PAK1: variants seen among roughly 807,000 people sequenced by gnomAD.
PAK1 encodes the protein p21 (RAC1) activated kinase 1.
A neutral mutation model predicts 67.4 loss-of-function variants in PAK1; 29 were observed. The ratio of observed to expected loss-of-function variants is 0.43; its 90% CI spans 0.32 to 0.59. The LOEUF is 0.59. PAK1 is among the 20% of genes least tolerant of loss of function. The pLI is 0.07. For synonymous variants in PAK1, 223 were observed against 237.4 expected (o/e 0.94, Z 0.56); for missense variants, 337 against 670.7 (o/e 0.50, Z 5.50).
intron 1 of PAK1, among the ~76,000 whole-genome samples, chr11:77,426,174 T>C (rs990183291): frequency 5.9e-5 from 9 of 151,822 alleles, no homozygotes; most frequent in African/African-American, 2.2e-4. Flanking sequence ...AGGTCTCTGT[T>C]TTCAGACAAG....
intron 7 of PAK1, among the ~76,000 whole-genome samples, chr11:77,355,279 C>T (rs568243318): frequency 6.6e-6 from 1 of 152,148 alleles, no homozygotes; most frequent in Non-Finnish European, 1.5e-5. Context: ...ATGGCAGATG[C>T]GTCTTCTCCT....
At chr11:77,465,965 A>G (rs1001137385) in intron 1 of PAK1, among the ~76,000 whole-genome samples, 1 of 152,156 alleles carries the variant, frequency 6.6e-6, no homozygotes, top group Non-Finnish European at 1.5e-5. Context: ...ATAAATAAAT[A>G]AAATATTAAT....
At chr11:77,490,870 AG>A in the PAK1 span, among the ~76,000 whole-genome samples, 1 of 152,206 alleles carries the variant, frequency 6.6e-6, no homozygotes. Context: ...GTGTCCACTC[AG>A]GGTTAAATGG....
chr11:77,507,785 C>T, the PAK1 span, among the ~76,000 whole-genome samples: 1 of 152,300 alleles, frequency 6.6e-6, no homozygotes, highest in South Asian at 2.1e-4. Flanking sequence ...CTTGGCCTCC[C>T]AAAGCACTGG....
the PAK1 span, among the ~76,000 whole-genome samples, chr11:77,512,929 A>G: frequency 6.6e-6 from 1 of 152,016 alleles, no homozygotes; most frequent in Non-Finnish European, 1.5e-5. Context: ...CCCTGTCTCT[A>G]CAGAAAATAC....
Position 77,412,326 on chromosome 11 carries a change from C to G in PAK1, c.-21-19785G>C, listed in dbSNP as rs1056793025. The stretch of plus-strand genomic sequence containing the variant: ...CTCAGAGAAAGAGATACACCTCCCC[C>G]CTCCCCAAACGTGCCAGGTTCTAAT... On this transcript the variant is annotated intron_variant, in intron 1 of 14. Coordinates refer to ENST00000356341, the MANE Select transcript of PAK1 (RefSeq NM_002576.5). 5.9e-5 allele frequency among the ~76,000 whole-genome samples: 9 copies of G among 152,268 alleles called. No homozygotes were observed. The East Asian group carries it at 7.7e-4, about 13-fold the overall frequency.
At chr11:77,509,093 C>T in the PAK1 span, among the ~76,000 whole-genome samples, 1 of 151,176 alleles carries the variant, frequency 6.6e-6, no homozygotes, top group Non-Finnish European at 1.5e-5. Flanking sequence ...CCCGTCTCTA[C>T]TAAAAATACA....
chr11:77,349,140 AAC>A, intron 9 of PAK1, 97 bp downstream of exon 9: 1 of 853,888 alleles, frequency 1.2e-6, no homozygotes, highest in South Asian at 1.6e-5. Context: ...AAAAAAAAAA[AAC>A]CTAGAACTGT....
chr11:77,461,515 T>C (rs1366051045), intron 1 of PAK1, among the ~76,000 whole-genome samples: 1 of 152,216 alleles, frequency 6.6e-6, no homozygotes, highest in Non-Finnish European at 1.5e-5. Context: ...ACTGACACAA[T>C]AGTTTCGGGT....
rs748826678 is a variant in PAK1 at position 77,323,292 on chromosome 11, T to C, written c.1620A>G (p.Ala540=). ...LTPLIAAAKE[A]TKNNH The stretch of plus-strand genomic sequence containing the variant: ...TGTGGTTTTAGTGATTGTTCTTTGT[T>C]GCCTCCTTAGCTGCAGCAATCAGTG... The change falls in exon 15 of 15, where the codon GCA becomes GCG. Residue 540 remains alanine (A), a synonymous_variant. Transcript: ENST00000356341. 2 of 1,614,018 alleles carry C rather than the reference T, an allele frequency of 1.2e-6. No individual in the cohort carries two copies. Among genetic ancestry groups the C allele is most frequent in the Non-Finnish European group, 1.7e-6 (2 of 1,179,912 alleles).
At chr11:77,457,683 T>C (rs1032802096) in intron 1 of PAK1, among the ~76,000 whole-genome samples, 2 of 152,178 alleles carry the variant, frequency 1.3e-5, no homozygotes, top group Non-Finnish European at 2.9e-5. Flanking sequence ...GGACACCCAG[T>C]CGGCAGCCCA....
intron 14 of PAK1, among the ~76,000 whole-genome samples, chr11:77,331,850 TA>T (rs1941616398): frequency 6.7e-6 from 1 of 149,642 alleles, no homozygotes; most frequent in East Asian, 2.0e-4. Context: ...ATAAATAAAA[TA>T]AAATAAACTT....
At chr11:77,513,371 GATT>G in the PAK1 span, among the ~76,000 whole-genome samples, 1 of 151,990 alleles carries the variant, frequency 6.6e-6, no homozygotes, top group Non-Finnish European at 1.5e-5. Context: ...ATATGAATTT[GATT>G]AATAGTCTTT....
At chr11:77,440,953 G>A (rs551305615) in intron 1 of PAK1, among the ~76,000 whole-genome samples, 1 of 152,210 alleles carries the variant, frequency 6.6e-6, no homozygotes, top group South Asian at 2.1e-4. Context: ...ATCCATATAG[G>A]CCAGGGAAAG....
chr11:77,363,821 T>C (rs2058439257), intron 5 of PAK1, among the ~76,000 whole-genome samples: 1 of 152,176 alleles, frequency 6.6e-6, no homozygotes, highest in Non-Finnish European at 1.5e-5. Context: ...AACAAAATAT[T>C]GAGAAGTGCT....
intron 1 of PAK1, chr11:77,408,189 G>C (rs964523758): frequency 6.6e-6 from 1 of 152,168 alleles, no homozygotes; most frequent in African/African-American, 2.4e-5. Context: ...CTGCATTTGA[G>C]AGCAACAACT....
chr11:77,393,475 T>C (rs1392765975), intron 1 of PAK1, among the ~76,000 whole-genome samples: 2 of 152,030 alleles, frequency 1.3e-5, no homozygotes, highest in Admixed American at 6.6e-5. Flanking sequence ...AAAAAAATTT[T>C]TTTGGAGACA....
At chr11:77,367,051 C>A (rs12807624) in intron 5 of PAK1, among the ~76,000 whole-genome samples, 1,753 of 152,250 alleles carry the variant, frequency 0.012, 17 homozygotes, top group Non-Finnish European at 0.018. Flanking sequence ...CATGTTACAA[C>A]ATAAAGTTCA....
chr11:77,352,643 C>T (rs570538188), intron 8 of PAK1, among the ~76,000 whole-genome samples: 1 of 152,298 alleles, frequency 6.6e-6, no homozygotes, highest in African/African-American at 2.4e-5. Context: ...TCCAGTCCTA[C>T]AAGCTCCATC....
Sources: gnomAD v4.1 joint callset for allele counts (sites outside exome capture counted in the v4.1 genomes callset) on GRCh38, gnomAD v4.1.1 for gene constraint, MANE v1.5 for transcripts, NCBI Gene and HGNC (gene_info 2026-07-23, HGNC 2026-07-21) for gene names.